The following EFCC1 variants were observed in gnomAD, a reference collection of about 807,000 sequenced individuals.
EFCC1 encodes the protein EF-hand and coiled-coil domain containing 1, also known as EF-hand and coiled-coil domain-containing protein 1.
Under a neutral mutation model 52.1 loss-of-function variants are expected in EFCC1, and 50 were observed. That is an observed-to-expected ratio of 0.96 (90% CI 0.76 to 1.21). EFCC1 has a LOEUF of 1.21. EFCC1 is among the 50% of genes most tolerant of loss of function. The pLI is 0.00. For synonymous variants in EFCC1, 399 were observed against 396.5 expected (o/e 1.01, Z -0.08); for missense variants, 837 against 867.3 (o/e 0.97, Z 0.44).
intron 2 of EFCC1, among the ~76,000 whole-genome samples, chr3:129,019,883 C>G (rs1025814217): frequency 6.6e-6 from 1 of 151,148 alleles, no homozygotes; most frequent in Non-Finnish European, 1.5e-5. Context: ...ATTCTCCTGC[C>G]TCAGCCTCCC....
chr3:129,037,556 A>C (rs999538071), intron 6 of EFCC1, among the ~76,000 whole-genome samples: 10 of 152,218 alleles, frequency 6.6e-5, no homozygotes, highest in African/African-American at 2.4e-4. Flanking sequence ...TATTACCAAA[A>C]TACACCACAT....
chr3:129,018,229 G>C (rs1446525532), intron 2 of EFCC1, among the ~76,000 whole-genome samples: 1 of 152,164 alleles, frequency 6.6e-6, no homozygotes, highest in Non-Finnish European at 1.5e-5. Flanking sequence ...CCTCCATAGG[G>C]AGACAAATTG....
At chr3:129,023,440 T>C (rs1002944722) in intron 2 of EFCC1, among the ~76,000 whole-genome samples, 3 of 152,060 alleles carry the variant, frequency 2.0e-5, no homozygotes, top group Admixed American at 6.6e-5. Flanking sequence ...GGCATTCTCC[T>C]GCCTCAGCCT....
intron 1 of EFCC1, among the ~76,000 whole-genome samples, chr3:129,003,479 C>T (rs935704214): frequency 1.3e-5 from 2 of 151,170 alleles, no homozygotes; most frequent in African/African-American, 4.9e-5. Context: ...TACAGTAGGC[C>T]GAGAAGAGTC....
At chr3:129,024,665 CAA>C (rs1946023509) in intron 2 of EFCC1, among the ~76,000 whole-genome samples, 1 of 152,016 alleles carries the variant, frequency 6.6e-6, no homozygotes. Context: ...GGTAGAAGAA[CAA>C]AAGAGGGAGA....
rs143399510 is a variant in EFCC1, at chr3:129,025,107, C to G, written c.981-5596C>G. The stretch of plus-strand genomic sequence containing the variant: ...CAAATAGAGGTGCCACAGTTAAGTT[C>G]GGGCGCTTGTCAGGAACTGGATCTG... On this transcript the variant is annotated intron_variant, in intron 2 of 7. Transcript: ENST00000683648. 1.4e-3 allele frequency among the ~76,000 whole-genome samples: 213 copies of G among 152,178 alleles called. 1 individual carries two copies. The highest frequency in any genetic ancestry group is 4.5e-3 in the African/African-American group (186 of 41,522).
chr3:129,039,037 G>A, intron 7 of EFCC1, 137 bp downstream of exon 7: 1 of 788,744 alleles, frequency 1.3e-6, no homozygotes, highest in Non-Finnish European at 2.1e-6. Context: ...GCTTTAGAAA[G>A]CTGAAGGGGC....
At chr3:129,002,372 C>G in intron 1 of EFCC1, 48 bp downstream of exon 1, 2 of 1,486,558 alleles carry the variant, frequency 1.3e-6, no homozygotes, top group South Asian at 1.3e-5. Flanking sequence ...GGAGAGGGCT[C>G]GAACTAAAAG....
chr3:129,016,835 A>C (rs987561009), intron 2 of EFCC1, among the ~76,000 whole-genome samples: 32 of 152,108 alleles, frequency 2.1e-4, no homozygotes, highest in African/African-American at 7.7e-4. Context: ...ACCTTATTGC[A>C]CTCCCAAGCA....
intron 2 of EFCC1, among the ~76,000 whole-genome samples, chr3:129,019,585 C>T (rs528375095): frequency 6.6e-6 from 1 of 152,030 alleles, no homozygotes; most frequent in Non-Finnish European, 1.5e-5. Context: ...TGACTGTAAA[C>T]TATTTAACTT....
intron 2 of EFCC1, among the ~76,000 whole-genome samples, chr3:129,004,333 C>A (rs1248375209): frequency 6.7e-6 from 1 of 149,520 alleles, no homozygotes; most frequent in Non-Finnish European, 1.5e-5. Context: ...ACCCCACACA[C>A]CCACCCATCC....
intron 2 of EFCC1, among the ~76,000 whole-genome samples, chr3:129,011,263 G>A (rs142241820): frequency 9.4e-4 from 143 of 152,266 alleles, no homozygotes; most frequent in African/African-American, 3.3e-3. Flanking sequence ...ATATTGGAAC[G>A]TATTGGACAG....
At chr3:129,025,474 T>A (rs1184632612) in intron 2 of EFCC1, among the ~76,000 whole-genome samples, 1 of 152,174 alleles carries the variant, frequency 6.6e-6, no homozygotes, top group African/African-American at 2.4e-5. Context: ...GGCAGCCCAG[T>A]GCCGTGGGTG....
chr3:129,002,074 T>C lies in EFCC1; in HGVS notation c.446T>C (p.Leu149Pro). ...ACCTTCCGCCAGTTCCACGCGCGCCTCTGTGGCTACTTCGGCACCCGTGCG... is the reference window on the plus strand; with the variant it reads ...ACCTTCCGCCAGTTCCACGCGCGCCCCTGTGGCTACTTCGGCACCCGTGCG... Reference protein sequence around the residue: ...ELTFRQFHARLCGYFGTRAGP... With the variant: ...ELTFRQFHARPCGYFGTRAGP... Residue 149 changes from leucine (L) to proline (P), a missense_variant, in exon 1 of 8, where the codon CTC (leucine) becomes CCC (proline). Transcript: ENST00000683648. The C allele has an allele frequency of 6.5e-7, 1 of 1,533,438 alleles. No homozygotes were observed. The highest frequency in any genetic ancestry group is 8.8e-7 in the Non-Finnish European group (1 of 1,140,322). The allele number at this position is 1,533,438 out of a possible 1,614,324, so 95.0% of individuals were successfully genotyped here.
chr3:129,025,446 G>C (rs1466992921), intron 2 of EFCC1, among the ~76,000 whole-genome samples: 1 of 152,258 alleles, frequency 6.6e-6, no homozygotes, highest in Non-Finnish European at 1.5e-5. Context: ...TGCGTGCTGA[G>C]AACTGGCCAT....
In EFCC1 at chr3:129,002,172, C is replaced by T. The variant is rs1472121577; in HGVS notation, c.544C>T (p.Arg182Cys). 2.7e-6 allele frequency: 4 copies of T among 1,476,966 alleles called. No homozygotes were observed. The highest frequency in any genetic ancestry group is 2.8e-5 in the East Asian group (1 of 36,302). 91.5% of individuals were successfully genotyped at this position (1,476,966 alleles called of 1,614,324 possible). Reference sequence around the variant, plus strand: ...GATCCGCCTGCGCCGTCCGCGCCGCCGCCGCCGCCCGCCCTGCGCGCCTGG... The same window carrying T: ...GATCCGCCTGCGCCGTCCGCGCCGCTGCCGCCGCCCGCCCTGCGCGCCTGG... Reference protein sequence around the residue: ...TQIRLRRPRRRRRPPCAPGPD... With the variant: ...TQIRLRRPRRCRRPPCAPGPD... Residue 182 changes from arginine (R) to cysteine (C), a missense_variant, in exon 1 of 8, where the codon CGC becomes TGC. By Grantham distance (180) the Arg-to-Cys change is radical. Transcript: ENST00000683648.
At chr3:129,018,086 T>C (rs1485708108) in intron 2 of EFCC1, among the ~76,000 whole-genome samples, 1 of 152,174 alleles carries the variant, frequency 6.6e-6, no homozygotes, top group Non-Finnish European at 1.5e-5. Context: ...GGTCTTTTTA[T>C]CCCCAGCCAG....
chr3:129,029,110 A>C (rs1368941639), intron 2 of EFCC1, among the ~76,000 whole-genome samples: 1 of 152,022 alleles, frequency 6.6e-6, no homozygotes, highest in Non-Finnish European at 1.5e-5. Context: ...TGTCCCCCTG[A>C]CCAACACCAC....
At chr3:129,018,594 C>A (rs1945690621) in intron 2 of EFCC1, among the ~76,000 whole-genome samples, 1 of 152,150 alleles carries the variant, frequency 6.6e-6, no homozygotes, top group South Asian at 2.1e-4. Flanking sequence ...GTATGCCAGC[C>A]CTGAGTCAAA....
Sources: gnomAD v4.1 joint callset for allele counts (sites outside exome capture counted in the v4.1 genomes callset) on GRCh38, gnomAD v4.1.1 for gene constraint, MANE v1.5 for transcripts, NCBI Gene and HGNC (gene_info 2026-07-23, HGNC 2026-07-21) for gene names.